MAP2: variants seen among roughly 807,000 people sequenced by gnomAD.
MAP2 encodes microtubule-associated protein 2.
In MAP2, 14 loss-of-function variants were observed where a neutral mutation model predicts 137.6. That is an observed-to-expected ratio of 0.10 (90% CI 0.07 to 0.16). The LOEUF (loss-of-function observed/expected upper bound fraction) is 0.16. MAP2 is among the 10% of genes least tolerant of loss of function. The pLI, the probability that MAP2 is intolerant of heterozygous loss-of-function variation, is 1.00. For missense variants in MAP2, 2,088 were observed against 2,191.5 expected (o/e 0.95, Z 0.94); for synonymous variants, 786 against 782.3 (o/e 1.00, Z -0.08).
In MAP2 at chr2:209,730,350, A is replaced by C; in HGVS notation, c.5437A>C (p.Thr1813Pro). The C allele has an allele frequency of 6.2e-7, 1 of 1,614,090 alleles. No individual in the cohort carries two copies. Among genetic ancestry groups the C allele is most frequent in the Non-Finnish European group, 8.5e-7 (1 of 1,179,984 alleles). ...CCTGCTCGAATCTCCTCAGCTTGCC[A>C]CTTTGGCTGAGGATGTCACTGCTGC... is the stretch of plus-strand genomic sequence containing the variant. ...INLLESPQLA[T>P]LAEDVTAALA... is the part of the protein sequence containing the mutation. The change falls in exon 16 of 16, where the codon ACT (threonine) becomes CCT (proline). Residue 1813 changes from threonine (T) to proline (P), a missense_variant. Coordinates refer to ENST00000682079, the MANE Select transcript of MAP2 (RefSeq NM_001375505.1).
At chr2:209,434,435 A>T (rs1210245912) in intron 1 of MAP2, among the ~76,000 whole-genome samples, 1 of 151,848 alleles carries the variant, frequency 6.6e-6, no homozygotes, top group Non-Finnish European at 1.5e-5. Context: ...TTTTTGTTTA[A>T]GCCTCTTTCC....
At chr2:209,634,838 A>G (rs911648420) in intron 4 of MAP2, among the ~76,000 whole-genome samples, 3 of 152,322 alleles carry the variant, frequency 2.0e-5, no homozygotes, top group Admixed American at 2.0e-4. Flanking sequence ...AATGTATTAA[A>G]TACACTAGTT....
intron 4 of MAP2, 108 bp from the exon 5 acceptor site, chr2:209,653,034 G>C: frequency 1.3e-6 from 1 of 749,272 alleles, no homozygotes; most frequent in South Asian, 2.3e-5. Flanking sequence ...TGTTTTCTTT[G>C]ACCATAGAAA....
chr2:209,500,809 T>G (rs1468315550), intron 1 of MAP2, among the ~76,000 whole-genome samples: 1 of 151,850 alleles, frequency 6.6e-6, no homozygotes, highest in Non-Finnish European at 1.5e-5. Context: ...TTTCAGAGGG[T>G]GGATCACTTG....
chr2:209,660,191 G>A (rs2042766822), intron 5 of MAP2, among the ~76,000 whole-genome samples: 2 of 151,986 alleles, frequency 1.3e-5, no homozygotes, highest in South Asian at 4.1e-4. Context: ...ATCATTTCCA[G>A]GCATGCTATC....
intron 13 of MAP2, among the ~76,000 whole-genome samples, chr2:209,720,532 A>G (rs957351985): frequency 8.6e-5 from 13 of 151,148 alleles, no homozygotes; most frequent in Non-Finnish European, 1.3e-4. Context: ...CCAGCTACTC[A>G]GGAAGCTGAG....
intron 1 of MAP2, among the ~76,000 whole-genome samples, chr2:209,467,881 A>G (rs1022519380): frequency 5.3e-5 from 8 of 152,174 alleles, no homozygotes; most frequent in African/African-American, 1.7e-4. Flanking sequence ...ATAGGTTGGT[A>G]TGACGATTAT....
intron 2 of MAP2, among the ~76,000 whole-genome samples, chr2:209,571,724 AG>A (rs1338060085): frequency 6.6e-6 from 1 of 152,030 alleles, no homozygotes. Context: ...CTTTAGTAAA[AG>A]TATGTGAGAA....
At position 209,509,766 on chromosome 2, in the gene MAP2, T is replaced by C. The variant is rs181557789; in HGVS notation, c.-172+2125T>C. On this transcript the variant is annotated intron_variant, in intron 2 of 15. Transcript: ENST00000682079. Reference sequence around the variant, plus strand: ...ACTGTTAGCTGAGCAAAATAACTAGTGTTGCCAGATAAAAGAAAGCTACCG... The same window carrying C: ...ACTGTTAGCTGAGCAAAATAACTAGCGTTGCCAGATAAAAGAAAGCTACCG... Among the ~76,000 whole-genome samples, 3 of 152,032 alleles carry C rather than the reference T, an allele frequency of 2.0e-5. No individual in the cohort carries two copies. In the East Asian group the frequency reaches 5.8e-4, roughly 29 times the overall value.
intron 7 of MAP2, chr2:209,690,824 A>G (rs2058643477): frequency 7.8e-7 from 1 of 1,284,800 alleles, no homozygotes; most frequent in Admixed American, 2.4e-5. Context: ...TCCAGAAGTA[A>G]AAACCCCTTC....
intron 2 of MAP2, among the ~76,000 whole-genome samples, chr2:209,519,809 A>C (rs1379569151): frequency 6.6e-6 from 1 of 151,964 alleles, no homozygotes; most frequent in Non-Finnish European, 1.5e-5. Context: ...TCTAAAACAA[A>C]TAACAAATAG....
At chr2:209,435,587 G>A (rs1409850891) in intron 1 of MAP2, among the ~76,000 whole-genome samples, 1 of 151,666 alleles carries the variant, frequency 6.6e-6, no homozygotes, top group Non-Finnish European at 1.5e-5. Context: ...AAGGCCACTG[G>A]CATCAGTGAA....
At chr2:209,707,090 A>G (rs1433262445) in intron 12 of MAP2, among the ~76,000 whole-genome samples, 1 of 152,188 alleles carries the variant, frequency 6.6e-6, no homozygotes, top group Non-Finnish European at 1.5e-5. Context: ...GAGACAAGAC[A>G]AAGATACCAA....
chr2:209,718,611 G>A (rs1052581671), intron 13 of MAP2, among the ~76,000 whole-genome samples: 9 of 151,926 alleles, frequency 5.9e-5, no homozygotes, highest in Non-Finnish European at 1.2e-4. Context: ...TTCACCCCGG[G>A]CTTTTCAGTG....
intron 3 of MAP2, among the ~76,000 whole-genome samples, chr2:209,581,002 C>T (rs1331256516): frequency 6.6e-6 from 1 of 152,120 alleles, no homozygotes; most frequent in African/African-American, 2.4e-5. Flanking sequence ...TATTTCCTCT[C>T]AAGACTGTCA....
Position 209,693,875 on chromosome 2 carries a change from A to C in MAP2, c.1705A>C (p.Met569Leu), listed in dbSNP as rs1329705421. Reference sequence around the variant, plus strand: ...GCCATTTTATGAAGATAAATCAGGAATGTCCAAGTACTTTGAAACATCTGC... The same window carrying C: ...GCCATTTTATGAAGATAAATCAGGACTGTCCAAGTACTTTGAAACATCTGC... ...DMPFYEDKSGMSKYFETSALK... is the reference protein window; with the variant it reads ...DMPFYEDKSGLSKYFETSALK... Residue 569 changes from methionine to leucine, a missense_variant, in exon 8 of 16, where the codon ATG becomes CTG. Physicochemically the swap from Met to Leu is conservative, Grantham distance 15 (BLOSUM62 2). Transcript: ENST00000682079. 1 of 1,612,412 alleles carries C rather than the reference A, an allele frequency of 6.2e-7. No homozygotes were observed. Among genetic ancestry groups the C allele is most frequent in the Admixed American group, 1.7e-5 (1 of 59,648 alleles).
intron 3 of MAP2, among the ~76,000 whole-genome samples, chr2:209,585,822 A>T (rs2153417106): frequency 6.6e-6 from 1 of 152,290 alleles, no homozygotes; most frequent in Middle Eastern, 3.4e-3. Context: ...AAATTCCTGG[A>T]CAGATAAAAT....
At chr2:209,563,873 A>C (rs151286746) in intron 2 of MAP2, among the ~76,000 whole-genome samples, 276 of 152,380 alleles carry the variant, frequency 1.8e-3, no homozygotes, top group African/African-American at 6.4e-3. Flanking sequence ...GTTCACAAAC[A>C]TCAAGTGCAA....
intron 1 of MAP2, among the ~76,000 whole-genome samples, chr2:209,435,957 A>ATATATTATATATAATATATACC (rs1695911261): frequency 2.3e-5 from 3 of 129,564 alleles, no homozygotes; most frequent in Admixed American, 8.7e-5. Flanking sequence ...CTATATATAC[A>ATATATTATATATAATATATACC]GTATATATTA....
Sources: gnomAD v4.1 joint callset for allele counts (sites outside exome capture counted in the v4.1 genomes callset) on GRCh38, gnomAD v4.1.1 for gene constraint, MANE v1.5 for transcripts, NCBI Gene and HGNC (gene_info 2026-07-23, HGNC 2026-07-21) for gene names.